TNS1: variants seen among roughly 807,000 people sequenced by gnomAD.
TNS1 encodes the protein tensin 1, also known as tensin-1.
Under a neutral mutation model 168.6 loss-of-function variants are expected in TNS1, and 62 were observed. The observed-to-expected ratio is 0.37, with a 90% CI of 0.30 to 0.45. The LOEUF (loss-of-function observed/expected upper bound fraction) is 0.45. Among genes scored for constraint, TNS1 ranks in the 20% least tolerant of loss-of-function variants. The probability of loss-of-function intolerance (pLI) is 1.00; values close to 1 mark genes in which losing one functional copy is unlikely to be tolerated. For missense variants in TNS1, 2,240 were observed against 2,339.4 expected (o/e 0.96, Z 0.88); for synonymous variants, 934 against 933.2 (o/e 1.00, Z -0.02).
chr2:217,994,228 T>A (rs1474507413), intron 1 of TNS1, among the ~76,000 whole-genome samples: 1 of 152,140 alleles, frequency 6.6e-6, no homozygotes, highest in Non-Finnish European at 1.5e-5. Context: ...TGTTCATCTA[T>A]CTCACTTCCC....
chr2:217,829,430 G>A (rs6729308), intron 22 of TNS1, among the ~76,000 whole-genome samples: 69,962 of 152,076 alleles, frequency 0.46, 16,116 homozygotes, highest in Admixed American at 0.49. Context: ...TGGTGCCAAC[G>A]TGGAGAATCT....
At chr2:217,910,505 G>T (rs891321989) in intron 4 of TNS1, among the ~76,000 whole-genome samples, 4 of 151,870 alleles carry the variant, frequency 2.6e-5, no homozygotes, top group Admixed American at 6.6e-5. Context: ...AAGGAAAAAG[G>T]CATGGGACTG....
At chr2:217,823,284 T>C (rs949888087) in intron 22 of TNS1, among the ~76,000 whole-genome samples, 1 of 152,142 alleles carries the variant, frequency 6.6e-6, no homozygotes, top group African/African-American at 2.4e-5. Flanking sequence ...ACATAGACAA[T>C]AGGACAGTGT....
At chr2:217,932,973 G>A (rs912415796) in intron 3 of TNS1, among the ~76,000 whole-genome samples, 11 of 152,186 alleles carry the variant, frequency 7.2e-5, no homozygotes, top group Non-Finnish European at 1.2e-4. Flanking sequence ...GCCCCCGCAA[G>A]CAGAAAGTCC....
chr2:217,813,445 C>A lies in TNS1; in HGVS notation c.4862-138G>T. 1 of 913,750 alleles carries A rather than the reference C, an allele frequency of 1.1e-6. No individual in the cohort carries two copies. The highest frequency in any genetic ancestry group is 1.7e-6 in the Non-Finnish European group (1 of 592,104). 56.6% of individuals were successfully genotyped at this position (913,750 alleles called of 1,614,324 possible). A position where few individuals can be genotyped will look rare whatever the true frequency, so the allele number is the denominator to read the frequency against. On this transcript the variant is annotated intron_variant, in intron 26 of 32. Coordinates refer to ENST00000682258, the MANE Select transcript of TNS1 (RefSeq NM_001387777.1). This position sits in a 1 kb window ranked among gnomAD's most constrained non-coding sequence, Gnocchi z 4.0. ...ACTGAAGAGAGAACGTGGCTGGAGC[C>A]CCATGGACTGCAGAGCCCACTGCTG...
At chr2:217,940,118 A>G (rs1167586075) in intron 3 of TNS1, among the ~76,000 whole-genome samples, 1 of 152,164 alleles carries the variant, frequency 6.6e-6, no homozygotes, top group African/African-American at 2.4e-5. Context: ...ACACCTCTGC[A>G]TGCCTAACAG....
intron 3 of TNS1, among the ~76,000 whole-genome samples, chr2:217,928,784 T>C (rs555582113): frequency 6.6e-5 from 10 of 152,152 alleles, no homozygotes; most frequent in Non-Finnish European, 1.3e-4. Context: ...CCTCTTCCAT[T>C]TCCTCTTCTT....
intron 18 of TNS1, among the ~76,000 whole-genome samples, chr2:217,873,957 G>A (rs1300212408): frequency 6.6e-6 from 1 of 151,730 alleles, no homozygotes; most frequent in African/African-American, 2.4e-5. Context: ...AAATATGTAA[G>A]TCAGGAAAAC....
intron 21 of TNS1, among the ~76,000 whole-genome samples, chr2:217,832,283 C>G (rs997773777): frequency 2.6e-5 from 4 of 152,122 alleles, no homozygotes; most frequent in Admixed American, 2.6e-4. Context: ...CCAGGCCGCC[C>G]ATCTGGGTTA....
intron 3 of TNS1, among the ~76,000 whole-genome samples, chr2:217,955,205 C>A (rs1169236600): frequency 2.0e-5 from 3 of 152,208 alleles, no homozygotes; most frequent in Admixed American, 6.5e-5. Flanking sequence ...GTCTCACCCC[C>A]GTGGGTTCCA....
chr2:218,010,598 G>T (rs1253555182), upstream of TNS1, among the ~76,000 whole-genome samples: 1 of 151,890 alleles, frequency 6.6e-6, no homozygotes, highest in East Asian at 2.0e-4. Context: ...GGAGCCGCGC[G>T]GGGGAGGCGG....
intron 3 of TNS1, among the ~76,000 whole-genome samples, chr2:217,966,602 T>C (rs1341073573): frequency 6.6e-6 from 1 of 152,110 alleles, no homozygotes; most frequent in Non-Finnish European, 1.5e-5. Flanking sequence ...TGGAAAATAA[T>C]GCAGATCCCT....
chr2:217,934,540 T>G (rs1956501000), intron 3 of TNS1, among the ~76,000 whole-genome samples: 1 of 152,200 alleles, frequency 6.6e-6, no homozygotes, highest in Non-Finnish European at 1.5e-5. Flanking sequence ...TCCCACTCTG[T>G]TCCCTTTGGG....
At chr2:217,822,698 G>C (rs1943056008) in intron 22 of TNS1, among the ~76,000 whole-genome samples, 1 of 152,142 alleles carries the variant, frequency 6.6e-6, no homozygotes, top group Non-Finnish European at 1.5e-5. Flanking sequence ...GGGGGTGGGG[G>C]ACACACGCTA....
chr2:217,820,805 C>T (rs932344254), intron 23 of TNS1, among the ~76,000 whole-genome samples: 2 of 152,178 alleles, frequency 1.3e-5, no homozygotes, highest in Non-Finnish European at 2.9e-5. Flanking sequence ...TGCACCCCTC[C>T]ACTAAGCCTG....
At chr2:217,860,617 C>G (rs911357876) in intron 18 of TNS1, among the ~76,000 whole-genome samples, 1 of 152,172 alleles carries the variant, frequency 6.6e-6, no homozygotes, top group Admixed American at 6.5e-5. Flanking sequence ...TTTGTTTGCA[C>G]GCAACCTTCA....
rs552047257 is a variant in TNS1, at chr2:217,995,949, A to G, written c.34-4893T>C. Among the ~76,000 whole-genome samples the G allele has an allele frequency of 8.6e-5, 13 of 152,014 alleles. No individual in the cohort carries two copies. Among genetic ancestry groups the G allele is most frequent in the African/African-American group, 2.7e-4 (11 of 41,450 alleles). On this transcript the variant is annotated intron_variant, in intron 1 of 32. Coordinates refer to ENST00000682258, the MANE Select transcript of TNS1 (RefSeq NM_001387777.1). The surrounding 1 kb of genome is among the most constrained non-coding windows in gnomAD (Gnocchi z 4.1). ...GGCTTCCTCTCCCTTCCCTCCTTCC[A>G]TGCAGCCCAGCTTTCCTGCCCGGGC...
intron 2 of TNS1, among the ~76,000 whole-genome samples, chr2:217,990,342 A>C (rs1397003182): frequency 6.7e-6 from 1 of 150,098 alleles, no homozygotes; most frequent in East Asian, 2.0e-4. Flanking sequence ...ATGCCACCAC[A>C]CACCAGCCAC....
At chr2:218,006,490 C>G (rs1958658076), upstream of TNS1, among the ~76,000 whole-genome samples, 1 of 152,244 alleles carries the variant, frequency 6.6e-6, no homozygotes, top group South Asian at 2.1e-4. Context: ...GGGCGTTAAG[C>G]CTTTCCTTTG....
Sources: gnomAD v4.1 joint callset for allele counts (sites outside exome capture counted in the v4.1 genomes callset) on GRCh38, gnomAD v4.1.1 for gene constraint, Gnocchi (gnomAD v3.1) non-coding constraint, MANE v1.5 for transcripts, NCBI Gene and HGNC (gene_info 2026-07-23, HGNC 2026-07-21) for gene names.